The following STAB1 variants were observed in gnomAD, a reference collection of about 807,000 sequenced individuals.
STAB1 encodes stabilin 1, also known as stabilin-1.
Under a neutral mutation model 332.4 loss-of-function variants are expected in STAB1, and 250 were observed. The observed-to-expected ratio is 0.75, with a 90% CI of 0.68 to 0.84. The LOEUF (loss-of-function observed/expected upper bound fraction) is 0.84, where lower values mean the gene tolerates loss of function less well. Ranked by LOEUF, STAB1 falls within the 40% of genes least tolerant of loss-of-function variation. STAB1 has a pLI of 0.00. For synonymous variants in STAB1, 1,475 were observed against 1,390.4 expected (o/e 1.06, Z -1.35); for missense variants, 3,249 against 3,489.7 (o/e 0.93, Z 1.74).
In STAB1 at chr3:52,513,790, G is replaced by T. The variant is rs1300423582; in HGVS notation, c.3344G>T (p.Ser1115Ile). Residue 1115 changes from serine to isoleucine, a missense_variant, in exon 31 of 69, where the codon AGC becomes ATC. Transcript: ENST00000321725. ...ACCAACGGTGTCCTACACATCCTCA[G>T]CCAGGTACAGCAGGAGGAGGGTGTG... ...LATNGVLHIL[S>I]QVLLPPRGDV... 1 of 1,613,316 alleles carries T rather than the reference G, an allele frequency of 6.2e-7. No individual in the cohort carries two copies.
rs1288277919 is a variant in STAB1 at position 52,522,833 on chromosome 3, T to C, written c.6803T>C (p.Val2268Ala). ...GCCAATGGCTCCACTGCCCACCCTGTGGTTTTCCCTGTGGCGGACTGTGGC... is the reference window on the plus strand; with the variant it reads ...GCCAATGGCTCCACTGCCCACCCTGCGGTTTTCCCTGTGGCGGACTGTGGC... ...WLANGSTAHP[V>A]VFPVADCGNG... The change falls in exon 62 of 69, where the codon GTG (valine) becomes GCG (alanine). Residue 2268 changes from valine to alanine, a missense_variant. Transcript: ENST00000321725. The C allele has an allele frequency of 5.0e-6, 8 of 1,613,180 alleles. No individual in the cohort carries two copies. Among genetic ancestry groups the C allele is most frequent in the Non-Finnish European group, 6.8e-6 (8 of 1,180,024 alleles).
At chr3:52,508,686 A>G (rs1709066624) in intron 21 of STAB1, 8 of 354,718 alleles carry the variant, frequency 2.3e-5, no homozygotes, top group South Asian at 8.9e-5. Context: ...GCCTGGTGTT[A>G]TGGCACACAC....
rs1341684803 is a variant in STAB1, at chr3:52,518,139, C to A, written c.4761+136C>A. ...CACTGAGCCTGACCCCTGATTGTAC[C>A]TGGGCCTGACCCCAGCTATGACCCA... is the stretch of plus-strand genomic sequence containing the variant. On this transcript the variant is annotated intron_variant, in intron 45 of 68. Coordinates refer to ENST00000321725, the MANE Select transcript of STAB1 (RefSeq NM_015136.3). The A allele has an allele frequency of 2.0e-6, 3 of 1,491,004 alleles. No individual in the cohort carries two copies. The East Asian group carries it at 6.9e-5, about 34-fold the overall frequency. The allele number at this position is 1,491,004 out of a possible 1,614,324, so 92.4% of individuals were successfully genotyped here.
Position 52,524,120 on chromosome 3 carries a change from C to CGACT in STAB1, c.7564_7567dup (p.Phe2523Ter), listed in dbSNP as rs756885860. ...CCCAGGCGGAAGATGATGCTGATGA[C>CGACT]GACTTCTCACCGTGGCAAGAAGGGA... On this transcript the variant is annotated frameshift_variant, in exon 68 of 69. Coordinates refer to ENST00000321725, the MANE Select transcript of STAB1 (RefSeq NM_015136.3). LOFTEE classifies it high-confidence loss of function. 8 of 1,613,756 alleles carry CGACT rather than the reference C, an allele frequency of 5.0e-6. No individual in the cohort carries two copies. The highest frequency in any genetic ancestry group is 6.8e-6 in the Non-Finnish European group (8 of 1,180,016).
In STAB1 at chr3:52,524,037, G is replaced by A. The variant is rs575857287; in HGVS notation, c.7542+20G>A. On this transcript the variant is annotated intron_variant, in intron 67 of 68. Coordinates refer to ENST00000321725, the MANE Select transcript of STAB1 (RefSeq NM_015136.3). The stretch of plus-strand genomic sequence containing the variant: ...TTCCAGGTAGGGCTGGGTTGGGGCT[G>A]CCATGGCGGGTCCTTGGATCTCGCT... 2.8e-5 allele frequency: 45 copies of A among 1,611,988 alleles called. 1 individual carries two copies. The South Asian group carries it at 4.5e-4, about 16-fold the overall frequency.
Position 52,518,297 on chromosome 3 carries a change from C to T in STAB1, c.4762-15C>T, listed in dbSNP as rs377516531. 5 of 1,612,422 alleles carry T rather than the reference C, an allele frequency of 3.1e-6. No individual in the cohort carries two copies. In the African/African-American group the frequency reaches 5.3e-5, roughly 17 times the overall value. On this transcript the variant is annotated splice_polypyrimidine_tract_variant and intron_variant, in intron 45 of 68. Coordinates refer to ENST00000321725, the MANE Select transcript of STAB1 (RefSeq NM_015136.3). Reference sequence around the variant, plus strand: ...GGGGGCCGCCCCAAATCTGAGCTGACCCTCGCCCCCCCAGGAGCTCCTGAG... The same window carrying T: ...GGGGGCCGCCCCAAATCTGAGCTGATCCTCGCCCCCCCAGGAGCTCCTGAG...
chr3:52,522,095 G>A lies in STAB1; in HGVS notation c.6330G>A (p.Gln2110=), dbSNP rs1189781213. 1 of 1,613,158 alleles carries A rather than the reference G, an allele frequency of 6.2e-7. No individual in the cohort carries two copies. Residue 2110 remains glutamine, a synonymous_variant, in exon 59 of 69, where the codon CAG becomes CAA. Transcript: ENST00000321725. ...GGCSEHANCS[Q]VGTMVTCTCL... ...GCAGTGAGCACGCCAACTGTAGCCA[G>A]GTAGGAACAATGGTCACTTGTACCT...
rs1189768842 is a variant in STAB1 at position 52,520,519 on chromosome 3, T to C, written c.5619T>C (p.Cys1873=). 6.2e-7 allele frequency: 1 copy of C among 1,612,342 alleles called. No individual in the cohort carries two copies. The highest frequency in any genetic ancestry group is 2.2e-5 in the East Asian group (1 of 44,864). ...AGCCACCTGGCCTTGGTGCTCGCTG[T>C]GACCACTTTGAGACCCGGCCCCTGC... ...LLEPPGLGAR[C]DHFETRPLRL... Residue 1873 remains cysteine (C), a synonymous_variant, in exon 53 of 69, where the codon TGT becomes TGC. Coordinates refer to ENST00000321725, the MANE Select transcript of STAB1 (RefSeq NM_015136.3).
chr3:52,522,220 G>A lies in STAB1; in HGVS notation c.6455G>A (p.Ser2152Asn), dbSNP rs1575369670. 1.9e-6 allele frequency: 3 copies of A among 1,612,568 alleles called. No individual in the cohort carries two copies. The East Asian group carries it at 6.7e-5, about 36-fold the overall frequency. The change falls in exon 59 of 69, where the codon AGC becomes AAC. Residue 2152 changes from serine to asparagine, a missense_variant. Physicochemically the swap from Ser to Asn is conservative, Grantham distance 46 (BLOSUM62 1). Coordinates refer to ENST00000321725, the MANE Select transcript of STAB1 (RefSeq NM_015136.3). ...GGCSEHANCL[S>N]TGLNTRRCEC... is the part of the protein sequence containing the mutation. ...TGCAGCGAGCACGCCAACTGCTTGA[G>A]CACCGGCCTGGTGAGCAGGTGGGGG...
At chr3:52,499,185 C>T (rs1461231349) in intron 1 of STAB1, among the ~76,000 whole-genome samples, 1 of 152,278 alleles carries the variant, frequency 6.6e-6, no homozygotes, top group African/African-American at 2.4e-5. Flanking sequence ...CTCCCAAACA[C>T]CTCCCCTCCA....
Position 52,523,465 on chromosome 3 carries a change from CGCCACCCTCCTAA to C in STAB1, c.7181_7193del (p.Ala2394ValfsTer202). 1 of 1,610,802 alleles carries C rather than the reference CGCCACCCTCCTAA, an allele frequency of 6.2e-7. No individual in the cohort carries two copies. Among genetic ancestry groups the C allele is most frequent in the Non-Finnish European group, 8.5e-7 (1 of 1,178,366 alleles). On this transcript the variant is annotated frameshift_variant, in exon 65 of 69. Transcript: ENST00000321725. LOFTEE classifies it high-confidence loss of function. ...CAGACTTGGAGCTGCATGCCTCCAA[CGCCACCCTCCTAA>C]GTGCCAACGCCAGCCAGGGGAAGTT...
chr3:52,513,785 C>T lies in STAB1; in HGVS notation c.3339C>T (p.Ile1113=), dbSNP rs772457355. 3 of 1,613,440 alleles carry T rather than the reference C, an allele frequency of 1.9e-6. No individual in the cohort carries two copies. Among genetic ancestry groups the T allele is most frequent in the East Asian group, 2.2e-5 (1 of 44,880 alleles). ...DLLATNGVLH[I]LSQVLLPPRG... is the part of the protein sequence containing the mutation. ...TTGCCACCAACGGTGTCCTACACAT[C>T]CTCAGCCAGGTACAGCAGGAGGAGG... Residue 1113 remains isoleucine (I), a synonymous_variant, in exon 31 of 69, where the codon ATC becomes ATT. Transcript: ENST00000321725.
In STAB1 at chr3:52,518,364, G is replaced by A. The variant is rs1377040601; in HGVS notation, c.4809+5G>A. ...TTCTTCAGCCTCCGCCTCCTGGTGA[G>A]TGGCCAGCTTGGGCCTCTGTGACCT... On this transcript the variant is annotated splice_donor_5th_base_variant and intron_variant, in intron 46 of 68. Transcript: ENST00000321725. 6.2e-7 allele frequency: 1 copy of A among 1,612,118 alleles called. No individual in the cohort carries two copies. Among genetic ancestry groups the A allele is most frequent in the Non-Finnish European group, 8.5e-7 (1 of 1,179,704 alleles).
intron 25 of STAB1, 30 bp from the exon 26 acceptor site, chr3:52,511,620 G>C: frequency 6.3e-7 from 1 of 1,587,970 alleles, no homozygotes. Flanking sequence ...CTCATCATGA[G>C]ACAAGGCCGT....
At chr3:52,504,423 C>G (rs919916059) in intron 10 of STAB1, 38 bp from the exon 11 acceptor site, 10 of 1,607,716 alleles carry the variant, frequency 6.2e-6, no homozygotes, top group African/African-American at 1.3e-5. Context: ...CAGAGTCTCC[C>G]CAGCTCCCTT....
chr3:52,502,152 C>A lies in STAB1; in HGVS notation c.418-7C>A. On this transcript the variant is annotated splice_region_variant and splice_polypyrimidine_tract_variant and intron_variant, in intron 4 of 68. Transcript: ENST00000321725. ...GGGCCACGCTGACTTGGTGCATCCACCACCAGGAAAACTTCCGCGGCTCAG... is the reference window on the plus strand; with the variant it reads ...GGGCCACGCTGACTTGGTGCATCCAACACCAGGAAAACTTCCGCGGCTCAG... 2 of 1,613,584 alleles carry A rather than the reference C, an allele frequency of 1.2e-6. No homozygotes were observed. The highest frequency in any genetic ancestry group is 2.2e-5 in the East Asian group (1 of 44,886).
rs1056916965 is a variant in STAB1 at position 52,518,609 on chromosome 3, C to T, written c.4883C>T (p.Ser1628Leu). 3 of 1,606,592 alleles carry T rather than the reference C, an allele frequency of 1.9e-6. No individual in the cohort carries two copies. Among genetic ancestry groups the T allele is most frequent in the Admixed American group, 3.4e-5 (2 of 59,034 alleles). The stretch of plus-strand genomic sequence containing the variant: ...CACGCAGATCTAATGAGCAACCTGT[C>T]GCAGGTATGCAGCCCCCAGAGCGAG... ...VPHADLMSNL[S>L]QDELARIRAH... Residue 1628 changes from serine to leucine, a missense_variant, in exon 47 of 69, where the codon TCG becomes TTG. Physicochemically the swap from Ser to Leu is moderately radical, Grantham distance 145. Coordinates refer to ENST00000321725, the MANE Select transcript of STAB1 (RefSeq NM_015136.3).
Position 52,521,382 on chromosome 3 carries a change from G to T in STAB1, c.5930G>T (p.Ser1977Ile). The T allele has an allele frequency of 6.2e-7, 1 of 1,613,966 alleles. No individual in the cohort carries two copies. Among genetic ancestry groups the T allele is most frequent in the South Asian group, 1.1e-5 (1 of 91,084 alleles). ...ECQACPGGPS[S>I]PCSDRGVCMD... ...CCAGCTTGCCCTGGCGGCCCCAGCA[G>T]CCCTTGTAGTGACCGTGGCGTGTGC... is the stretch of plus-strand genomic sequence containing the variant. Residue 1977 changes from serine (S) to isoleucine (I), a missense_variant, in exon 56 of 69, where the codon AGC (serine) becomes ATC (isoleucine). By Grantham distance (142) the Ser-to-Ile change is moderately radical (BLOSUM62 -2). Coordinates refer to ENST00000321725, the MANE Select transcript of STAB1 (RefSeq NM_015136.3).
chr3:52,510,731 G>A (rs545219715), intron 25 of STAB1, among the ~76,000 whole-genome samples: 6 of 152,304 alleles, frequency 3.9e-5, no homozygotes, highest in Admixed American at 2.0e-4. Context: ...ATGCTAGTCC[G>A]TGTTCTAGAT....
Sources: gnomAD v4.1 joint callset for allele counts (sites outside exome capture counted in the v4.1 genomes callset) on GRCh38, gnomAD v4.1.1 for gene constraint, MANE v1.5 for transcripts, NCBI Gene and HGNC (gene_info 2026-07-23, HGNC 2026-07-21) for gene names.